MTOR: variants seen among roughly 807,000 people sequenced by gnomAD.
MTOR encodes serine/threonine-protein kinase mTOR.
MTOR carries 70 observed loss-of-function variants against 319.8 expected under a neutral mutation model. The ratio of observed to expected loss-of-function variants is 0.22; its 90% CI spans 0.18 to 0.27. MTOR has a LOEUF of 0.27. Ranked by LOEUF, MTOR falls within the 10% of genes least tolerant of loss-of-function variation. The pLI is 1.00. For missense variants in MTOR, 1,890 were observed against 3,274.4 expected (o/e 0.58, Z 10.32); for synonymous variants, 1,183 against 1,211.4 (o/e 0.98, Z 0.49).
chr1:11,189,655 C>A (rs1645447721), intron 28 of MTOR: 1 of 1,614,106 alleles, frequency 6.2e-7, no homozygotes, highest in South Asian at 1.1e-5. Flanking sequence ...CCCAGCGTGG[C>A]TGCAGAAGCT....
At chr1:11,254,373 C>T (rs1055923860) in intron 5 of MTOR, among the ~76,000 whole-genome samples, 1 of 152,176 alleles carries the variant, frequency 6.6e-6, no homozygotes, top group Non-Finnish European at 1.5e-5. Flanking sequence ...CTCCTGACCT[C>T]AAGTGATCCA....
chr1:11,226,308 C>T (rs1281664612), intron 19 of MTOR: 1 of 152,048 alleles, frequency 6.6e-6, no homozygotes, highest in African/African-American at 2.4e-5. Flanking sequence ...AGAAGATTAG[C>T]ATGGCCCATA....
intron 19 of MTOR, among the ~76,000 whole-genome samples, chr1:11,227,005 A>G (rs1299533598): frequency 1.4e-5 from 2 of 139,994 alleles, no homozygotes; most frequent in African/African-American, 5.3e-5. Context: ...ATTAGAGTTA[A>G]TAAGAATTCC....
At chr1:11,258,347 G>A in intron 3 of MTOR, 138 bp downstream of exon 3, 1 of 648,460 alleles carries the variant, frequency 1.5e-6, no homozygotes, top group Non-Finnish European at 2.7e-6. Context: ...GCCCAGGGCT[G>A]CTGCTAGAAT....
At position 11,133,041 on chromosome 1, in the gene MTOR, C is replaced by G. The variant is rs1002676185; in HGVS notation, c.5364+39G>C. ...AGCACACAGGAGGACACGAGCCAGC[C>G]AGGGTGCTGGGTCTCACAGGTGGCC... On this transcript the variant is annotated intron_variant, in intron 38 of 57. Coordinates refer to ENST00000361445, the MANE Select transcript of MTOR (RefSeq NM_004958.4). This position sits in a 1 kb window ranked among gnomAD's most constrained non-coding sequence, Gnocchi z 4.0. 25 of 1,563,600 alleles carry G rather than the reference C, an allele frequency of 1.6e-5. No individual in the cohort carries two copies. Among genetic ancestry groups the G allele is most frequent in the African/African-American group, 4.1e-5 (3 of 73,896 alleles).
chr1:11,223,764 G>T (rs1646742301), intron 19 of MTOR, among the ~76,000 whole-genome samples: 1 of 152,128 alleles, frequency 6.6e-6, no homozygotes, highest in African/African-American at 2.4e-5. Context: ...ACATGGCCAG[G>T]TGCAGTGGTT....
At chr1:11,203,752 A>G (rs1571158323) in intron 26 of MTOR, among the ~76,000 whole-genome samples, 1 of 152,222 alleles carries the variant, frequency 6.6e-6, no homozygotes, top group African/African-American at 2.4e-5. Context: ...GTCTGTTAGA[A>G]TATTACTTCT....
At chr1:11,216,282 A>AC in intron 19 of MTOR, 48 bp from the exon 20 acceptor site, 1 of 1,444,358 alleles carries the variant, frequency 6.9e-7, no homozygotes, top group East Asian at 2.3e-5. Flanking sequence ...AGGACATTGA[A>AC]CCCCCAGGCT....
chr1:11,126,799 G>GTA lies in MTOR; in HGVS notation c.6352-5_6352-4dup. 6.2e-7 allele frequency: 1 copy of GTA among 1,612,534 alleles called. No homozygotes were observed. ...TATTGCAGCTCTAAGGATGTGAGCT[G>GTA]TAAATAATTACCAAAGGATTTAGTG... On this transcript the variant is annotated splice_polypyrimidine_tract_variant and splice_region_variant and intron_variant, in intron 45 of 57. Coordinates refer to ENST00000361445, the MANE Select transcript of MTOR (RefSeq NM_004958.4).
In MTOR at chr1:11,126,707, G is replaced by A. The variant is rs891735599; in HGVS notation, c.6441C>T (p.Asn2147=). ...TGGACTGAATGCGAATGATTGGCTG[G>A]TTGGGGTCATATGTTCCTGGCACAG... is the stretch of plus-strand genomic sequence containing the variant. ...ELAVPGTYDP[N]QPIIRIQSIA... is the part of the protein sequence containing the mutation. Residue 2147 remains asparagine (N), a synonymous_variant, in exon 46 of 58, where the codon AAC becomes AAT. Transcript: ENST00000361445. 3.1e-6 allele frequency: 5 copies of A among 1,613,912 alleles called. No individual in the cohort carries two copies. In the Admixed American group the frequency reaches 5.0e-5, roughly 16 times the overall value.
chr1:11,124,308 G>C (rs1642703401), intron 47 of MTOR, among the ~76,000 whole-genome samples, 190 bp downstream of exon 47: 1 of 152,112 alleles, frequency 6.6e-6, no homozygotes, highest in Non-Finnish European at 1.5e-5. Context: ...CTGCAGCCTT[G>C]AACTCCTGGG....
In MTOR at chr1:11,199,576, A is replaced by G. The variant is rs1313255244; in HGVS notation, c.4072T>C (p.Leu1358=). Reference sequence around the variant, plus strand: ...TGTTCCATGAATTCAGCCAAGTTTAAGAGGGTCTGTGTGACTTCAGCGATG... The same window carrying G: ...TGTTCCATGAATTCAGCCAAGTTTAGGAGGGTCTGTGTGACTTCAGCGATG... ...QDIAEVTQTL[L]NLAEFMEHSD... is the part of the protein sequence containing the mutation. The change falls in exon 27 of 58, where the codon TTA becomes CTA. Residue 1358 remains leucine, a synonymous_variant. Coordinates refer to ENST00000361445, the MANE Select transcript of MTOR (RefSeq NM_004958.4). The surrounding 1 kb of genome is among the most constrained non-coding windows in gnomAD (Gnocchi z 4.5). 6.2e-7 allele frequency: 1 copy of G among 1,614,086 alleles called. No homozygotes were observed. The highest frequency in any genetic ancestry group is 1.3e-5 in the African/African-American group (1 of 74,936).
Position 11,129,625 on chromosome 1 carries a change from G to C in MTOR, c.5714+113C>G, listed in dbSNP as rs527494442. ...AGTGCAGAAAAAAGGCACATACATC[G>C]ATCTTGGGTGTCCTGATCAGGGTCA... On this transcript the variant is annotated intron_variant, in intron 40 of 57. Transcript: ENST00000361445. The surrounding 1 kb of genome is among the most constrained non-coding windows in gnomAD (Gnocchi z 4.7). The C allele has an allele frequency of 5.6e-6, 5 of 899,486 alleles. No individual in the cohort carries two copies. In the East Asian group the frequency reaches 8.0e-5, roughly 14 times the overall value. The allele number at this position is 899,486 out of a possible 1,614,324, so 55.7% of individuals were successfully genotyped here. A position where few individuals can be genotyped will look rare whatever the true frequency, so the allele number is the denominator to read the frequency against.
intron 7 of MTOR, 29 bp downstream of exon 7, chr1:11,247,790 A>T: frequency 3.7e-6 from 6 of 1,612,374 alleles, no homozygotes; most frequent in Non-Finnish European, 4.2e-6. Flanking sequence ...GAGCTTAGGA[A>T]AAGAGGGAAA....
At position 11,111,181 on chromosome 1, in the gene MTOR, G is replaced by C. The variant is rs987495744; in HGVS notation, c.7367-1452C>G. The C allele has an allele frequency of 6.6e-6, 3 of 455,462 alleles. No homozygotes were observed. The Admixed American group carries it at 7.1e-5, about 11-fold the overall frequency. 28.2% of individuals were successfully genotyped at this position (455,462 alleles called of 1,614,324 possible). The stretch of plus-strand genomic sequence containing the variant: ...CCATCAGATTCCACCCATCCAATAA[G>C]GATAAATTACCCTTTGGCAAGGTGG... On this transcript the variant is annotated intron_variant, in intron 54 of 57. Coordinates refer to ENST00000361445, the MANE Select transcript of MTOR (RefSeq NM_004958.4).
intron 34 of MTOR, among the ~76,000 whole-genome samples, chr1:11,143,404 CTT>C (rs1319609350): frequency 6.6e-6 from 1 of 152,186 alleles, no homozygotes; most frequent in Non-Finnish European, 1.5e-5. Context: ...TGTAGAAACT[CTT>C]TATTATAGGC....
At chr1:11,200,433 T>C (rs772867804) in intron 26 of MTOR, among the ~76,000 whole-genome samples, 1 of 152,198 alleles carries the variant, frequency 6.6e-6, no homozygotes, top group Non-Finnish European at 1.5e-5. Flanking sequence ...AAGATTACTA[T>C]GACCACTTTA....
At chr1:11,126,849 A>G (rs1396844290) in intron 45 of MTOR, 53 bp from the exon 46 acceptor site, 97 of 1,592,062 alleles carry the variant, frequency 6.1e-5, no homozygotes, top group Non-Finnish European at 8.2e-5. Flanking sequence ...AAGAATTTAA[A>G]CGCAATTTAA....
chr1:11,192,359 C>T, intron 28 of MTOR: 1 of 1,612,758 alleles, frequency 6.2e-7, no homozygotes, highest in Non-Finnish European at 8.5e-7. Context: ...CCTGGGCAGC[C>T]CTGAACTGGA....
Sources: gnomAD v4.1 joint callset for allele counts (sites outside exome capture counted in the v4.1 genomes callset) on GRCh38, gnomAD v4.1.1 for gene constraint, Gnocchi (gnomAD v3.1) non-coding constraint, MANE v1.5 for transcripts, NCBI Gene and HGNC (gene_info 2026-07-23, HGNC 2026-07-21) for gene names.